Variants in RYR3 observed in about 807,000 individuals in gnomAD.
RYR3 encodes the protein brain ryanodine receptor-calcium release channel.
Under a neutral mutation model 584.3 loss-of-function variants are expected in RYR3, and 207 were observed. The ratio of observed to expected loss-of-function variants is 0.35; its 90% CI spans 0.32 to 0.40. The LOEUF is 0.40. Among genes scored for constraint, RYR3 ranks in the 10% least tolerant of loss-of-function variants. The pLI, the probability that RYR3 is intolerant of heterozygous loss-of-function variation, is 1.00. For synonymous variants in RYR3, 2,416 were observed against 2,248.5 expected, an observed-to-expected ratio of 1.07 and a Z score of -2.11; for missense variants, 5,616 against 6,089.2, an observed-to-expected ratio of 0.92 and a Z score of 2.59.
Position 33,540,865 on chromosome 15 carries a change from G to T in RYR3, c.621G>T (p.Thr207=), listed in dbSNP as rs370200639. 4 of 1,611,900 alleles carry T rather than the reference G, an allele frequency of 2.5e-6. No individual in the cohort carries two copies. The highest frequency in any genetic ancestry group is 1.7e-6 in the Non-Finnish European group (2 of 1,178,362). Residue 207 remains threonine (T), a synonymous_variant, in exon 7 of 104, where the codon ACG becomes ACT. Transcript: ENST00000634891. ...FMQTLWNVHP[T]CSGSSIEEGY... is the part of the protein sequence containing the mutation. The stretch of plus-strand genomic sequence containing the variant: ...AAACACTCTGGAATGTACATCCTAC[G>T]TGCTCAGGAAGTAGCATCGAAGAAG...
At chr15:33,815,253 A>G (rs1053118666) in intron 74 of RYR3, among the ~76,000 whole-genome samples, 1 of 152,204 alleles carries the variant, frequency 6.6e-6, no homozygotes, top group African/African-American at 2.4e-5. Context: ...CGTAACAGAA[A>G]AGTGAAATTC....
intron 68 of RYR3, among the ~76,000 whole-genome samples, 181 bp from the exon 69 acceptor site, chr15:33,801,688 G>T (rs1432343941): frequency 6.6e-6 from 1 of 152,114 alleles, no homozygotes; most frequent in African/African-American, 2.4e-5. Flanking sequence ...AAGGGAGAGG[G>T]TATAATGAGA....
At chr15:33,718,174 AT>A (rs1308218592) in intron 43 of RYR3, among the ~76,000 whole-genome samples, 1 of 152,096 alleles carries the variant, frequency 6.6e-6, no homozygotes, top group African/African-American at 2.4e-5. Flanking sequence ...GTGGGACTTG[AT>A]TGGGAATATG....
chr15:33,620,232 A>G (rs1294602236), intron 19 of RYR3, among the ~76,000 whole-genome samples: 1 of 152,130 alleles, frequency 6.6e-6, no homozygotes, highest in African/African-American at 2.4e-5. Context: ...TGTCAGCTCT[A>G]TCACCAGGAA....
intron 2 of RYR3, among the ~76,000 whole-genome samples, chr15:33,481,251 C>T (rs1022637113): frequency 2.6e-5 from 4 of 152,040 alleles, no homozygotes; most frequent in Admixed American, 2.0e-4. Context: ...GTACTGTTTT[C>T]CTACCCCATT....
At chr15:33,376,569 A>T (rs2040756893) in intron 1 of RYR3, among the ~76,000 whole-genome samples, 2 of 152,226 alleles carry the variant, frequency 1.3e-5, no homozygotes, top group African/African-American at 4.8e-5. Context: ...GGTGAGGCAG[A>T]TCCCTTTTGC....
chr15:33,771,301 C>T (rs1439900766), intron 62 of RYR3, among the ~76,000 whole-genome samples: 1 of 152,088 alleles, frequency 6.6e-6, no homozygotes, highest in Non-Finnish European at 1.5e-5. Flanking sequence ...TTTGGGAGGC[C>T]AAGGCGGGCG....
intron 91 of RYR3, 131 bp downstream of exon 91, chr15:33,842,166 T>A: frequency 9.7e-7 from 1 of 1,026,902 alleles, no homozygotes; most frequent in Non-Finnish European, 1.4e-6. Flanking sequence ...TAAACTTTCT[T>A]CTTCCCATGT....
chr15:33,788,200 G>A lies in RYR3; in HGVS notation c.9590-18G>A. The A allele has an allele frequency of 6.2e-7, 1 of 1,613,054 alleles. No homozygotes were observed. The highest frequency in any genetic ancestry group is 8.5e-7 in the Non-Finnish European group (1 of 1,179,240). On this transcript the variant is annotated intron_variant, in intron 66 of 103. Transcript: ENST00000634891. ...GCCATAATACGTGAAATGACGGGGA[G>A]GCTCTTTGTAAACGCAGTGTATGCA... is the stretch of plus-strand genomic sequence containing the variant.
intron 74 of RYR3, among the ~76,000 whole-genome samples, chr15:33,813,976 T>C (rs1381515431): frequency 6.6e-6 from 1 of 152,208 alleles, no homozygotes; most frequent in Non-Finnish European, 1.5e-5. Context: ...CTCAGGAACT[T>C]GACACTGAAA....
At chr15:33,815,376 G>T (rs1225427855) in intron 74 of RYR3, 2 of 152,666 alleles carry the variant, frequency 1.3e-5, no homozygotes, top group Non-Finnish European at 2.9e-5. Flanking sequence ...ACCTGACATT[G>T]TGCTGAGTTG....
At chr15:33,553,349 T>C (rs1250392661) in intron 10 of RYR3, among the ~76,000 whole-genome samples, 1 of 152,134 alleles carries the variant, frequency 6.6e-6, no homozygotes, top group East Asian at 1.9e-4. Flanking sequence ...TTGTGACAGT[T>C]ATGACTACTA....
intron 46 of RYR3, among the ~76,000 whole-genome samples, chr15:33,727,508 G>T (rs1018976816): frequency 6.6e-6 from 1 of 152,164 alleles, no homozygotes; most frequent in Non-Finnish European, 1.5e-5. Context: ...GAAAACTTAA[G>T]ATAAAGCAAA....
chr15:33,392,826 T>C (rs1238030802), intron 1 of RYR3, among the ~76,000 whole-genome samples: 1 of 152,200 alleles, frequency 6.6e-6, no homozygotes, highest in African/African-American at 2.4e-5. Context: ...TAGAGTATAG[T>C]ATAATGCCAG....
chr15:33,826,379 G>C, intron 83 of RYR3, 110 bp downstream of exon 83: 2 of 1,096,564 alleles, frequency 1.8e-6, no homozygotes, highest in Non-Finnish European at 2.8e-6. Flanking sequence ...ATGTTGAGTT[G>C]AACTCAGCAG....
At chr15:33,798,800 A>G (rs1186412072) in intron 67 of RYR3, among the ~76,000 whole-genome samples, 2 of 152,222 alleles carry the variant, frequency 1.3e-5, no homozygotes, top group African/African-American at 2.4e-5. Context: ...GAGAGATTAG[A>G]TAAGAATGTC....
At chr15:33,811,137 C>G (rs1567220526) in intron 72 of RYR3, 100 bp downstream of exon 72, 3 of 983,726 alleles carry the variant, frequency 3.0e-6, no homozygotes, top group East Asian at 2.6e-5. Context: ...TATATGTGTT[C>G]CAAAAACAGT....
intron 38 of RYR3, among the ~76,000 whole-genome samples, chr15:33,684,804 C>T (rs1391278130): frequency 2.0e-5 from 3 of 152,056 alleles, no homozygotes; most frequent in African/African-American, 4.8e-5. Flanking sequence ...ATTCAACATT[C>T]TTAAAGACTT....
At chr15:33,726,558 T>C in intron 46 of RYR3, 52 bp downstream of exon 46, 4 of 1,534,860 alleles carry the variant, frequency 2.6e-6, no homozygotes, top group Non-Finnish European at 3.5e-6. Flanking sequence ...AGCCACTGGC[T>C]CGGGGCAGGA....
Sources: allele counts gnomAD v4.1 joint callset (sites outside exome capture counted in the v4.1 genomes callset), GRCh38; gene constraint gnomAD v4.1.1; transcripts MANE v1.5; gene names NCBI Gene and HGNC (gene_info 2026-07-23, HGNC 2026-07-21).